Variants in THSD7B observed in about 807,000 individuals in gnomAD.
The protein encoded by THSD7B is thrombospondin type-1 domain-containing protein 7B.
Under a neutral mutation model 213.6 loss-of-function variants are expected in THSD7B, and 138 were observed. The observed-to-expected ratio is 0.65, with a 90% CI of 0.56 to 0.74. THSD7B has a LOEUF of 0.74. Among genes scored for constraint, THSD7B ranks in the 30% least tolerant of loss-of-function variants. THSD7B has a pLI of 0.00. For synonymous variants in THSD7B, 742 were observed against 687.0 expected, an observed-to-expected ratio of 1.08 and a Z score of -1.25; for missense variants, 1,931 against 1,991.5, an observed-to-expected ratio of 0.97 and a Z score of 0.58.
chr2:137,530,143 G>A (rs1012841786), intron 15 of THSD7B, among the ~76,000 whole-genome samples: 7 of 152,016 alleles, frequency 4.6e-5, no homozygotes, highest in Admixed American at 1.3e-4. Context: ...AGATGTGCGT[G>A]CCTCATTGAG....
At chr2:136,861,445 A>G (rs1260907352) in intron 1 of THSD7B, among the ~76,000 whole-genome samples, 1 of 152,218 alleles carries the variant, frequency 6.6e-6, no homozygotes, top group African/African-American at 2.4e-5. Flanking sequence ...CACAATAAAC[A>G]TGTAGTTAGG....
At chr2:137,058,763 A>G (rs1442211268) in intron 3 of THSD7B, among the ~76,000 whole-genome samples, 1 of 152,096 alleles carries the variant, frequency 6.6e-6, no homozygotes, top group South Asian at 2.1e-4. Flanking sequence ...GTTCTCATAG[A>G]TGGGATTAGT....
intron 14 of THSD7B, among the ~76,000 whole-genome samples, chr2:137,425,240 G>A (rs751548417): frequency 2.6e-5 from 4 of 151,382 alleles, no homozygotes; most frequent in South Asian, 2.1e-4. Flanking sequence ...TCTTTGAGAC[G>A]GAGTCTTGCT....
chr2:137,493,874 G>A (rs371424950), intron 15 of THSD7B, among the ~76,000 whole-genome samples: 15 of 152,090 alleles, frequency 9.9e-5, no homozygotes, highest in South Asian at 8.3e-4. Flanking sequence ...CCTTTGTGTC[G>A]TTTGGAAAGT....
At chr2:136,960,347 C>T (rs918803038) in intron 2 of THSD7B, among the ~76,000 whole-genome samples, 4 of 151,998 alleles carry the variant, frequency 2.6e-5, no homozygotes, top group Admixed American at 6.6e-5. Flanking sequence ...CCCTGTTGTC[C>T]AGGCTGGTCT....
chr2:137,457,151 A>G (rs17741048), intron 15 of THSD7B, among the ~76,000 whole-genome samples: 7,706 of 151,906 alleles, frequency 0.051, 257 homozygotes, highest in Non-Finnish European at 0.072. Context: ...GCAAAGTACT[A>G]CCCCCTCAGG....
chr2:137,135,467 G>A (rs1400618485), intron 5 of THSD7B, among the ~76,000 whole-genome samples: 1 of 152,172 alleles, frequency 6.6e-6, no homozygotes, highest in Non-Finnish European at 1.5e-5. Context: ...TCTTCTCTCA[G>A]ATCTGCATTG....
chr2:137,580,334 T>C (rs1681548231), intron 17 of THSD7B, among the ~76,000 whole-genome samples: 1 of 152,190 alleles, frequency 6.6e-6, no homozygotes, highest in African/African-American at 2.4e-5. Context: ...GTGTATCTAA[T>C]TGGTTAGTGC....
chr2:136,898,163 A>G (rs561597384), intron 2 of THSD7B, among the ~76,000 whole-genome samples: 2 of 152,316 alleles, frequency 1.3e-5, no homozygotes, highest in African/African-American at 4.8e-5. Context: ...CTCATTAACA[A>G]TATTGAGTCT....
chr2:136,978,138 G>A (rs1042304745), intron 2 of THSD7B, among the ~76,000 whole-genome samples: 4 of 152,042 alleles, frequency 2.6e-5, no homozygotes, highest in Admixed American at 6.6e-5. Flanking sequence ...ATTTAATTGC[G>A]CTGTGGTCTA....
chr2:136,965,487 A>G (rs965917475), intron 2 of THSD7B, among the ~76,000 whole-genome samples: 8 of 152,212 alleles, frequency 5.3e-5, no homozygotes, highest in African/African-American at 1.9e-4. Flanking sequence ...CCACAAGGAA[A>G]GTGTTCTGGG....
chr2:137,335,625 G>A (rs1225275540), intron 12 of THSD7B, among the ~76,000 whole-genome samples: 1 of 152,212 alleles, frequency 6.6e-6, no homozygotes, highest in African/African-American at 2.4e-5. Flanking sequence ...ATGCATTGCA[G>A]TAGTTAGACA....
rs376738362 is a variant in THSD7B at position 137,240,086 on chromosome 2, A to T, written c.2151-2371A>T. On this transcript the variant is annotated intron_variant, in intron 9 of 27. Coordinates refer to ENST00000409968, the MANE Select transcript of THSD7B (RefSeq NM_001316349.2). ...TTCACTTTGGGGGTTAGGTTTCAAC[A>T]TATAGATTTTGGGAGGGACACAAAC... is the stretch of plus-strand genomic sequence containing the variant. Among the ~76,000 whole-genome samples the T allele has an allele frequency of 3.9e-5, 6 of 152,332 alleles. No homozygotes were observed. In the South Asian group the frequency reaches 8.3e-4, roughly 21 times the overall value.
At position 137,589,270 on chromosome 2, in the gene THSD7B, TCTA is replaced by T. The variant is rs758113338; in HGVS notation, c.3423+16717_3423+16719del. 5.5e-4 allele frequency among the ~76,000 whole-genome samples: 84 copies of T among 152,332 alleles called. 1 individual carries two copies. The highest frequency in any genetic ancestry group is 9.7e-4 in the Non-Finnish European group (66 of 68,016). ...ATTTAAGTTTTTATTTAATCCATAT[TCTA>T]CTTAGAAAAAATTTTACCTAATTCT... is the stretch of plus-strand genomic sequence containing the variant. On this transcript the variant is annotated intron_variant, in intron 17 of 27. Coordinates refer to ENST00000409968, the MANE Select transcript of THSD7B (RefSeq NM_001316349.2).
intron 15 of THSD7B, among the ~76,000 whole-genome samples, chr2:137,463,152 G>A (rs1477785822): frequency 6.6e-6 from 1 of 152,048 alleles, no homozygotes; most frequent in East Asian, 1.9e-4. Context: ...AATCATGTTC[G>A]ATTGTCATGT....
At chr2:137,447,785 G>GA (rs1311561342) in intron 14 of THSD7B, among the ~76,000 whole-genome samples, 1 of 150,706 alleles carries the variant, frequency 6.6e-6, no homozygotes, top group Non-Finnish European at 1.5e-5. Context: ...TGGAGAGAGA[G>GA]AAAAAAAGAA....
At chr2:137,498,076 A>G (rs1030841248) in intron 15 of THSD7B, among the ~76,000 whole-genome samples, 18 of 152,210 alleles carry the variant, frequency 1.2e-4, no homozygotes, top group African/African-American at 4.1e-4. Context: ...TCCAAGGCAT[A>G]TGGAACTTTC....
intron 12 of THSD7B, among the ~76,000 whole-genome samples, chr2:137,377,651 G>A (rs2104959149): frequency 6.6e-6 from 1 of 151,026 alleles, no homozygotes; most frequent in East Asian, 1.9e-4. Flanking sequence ...TTTTGAGCTG[G>A]AGCCTCCTTC....
At chr2:137,293,496 T>C (rs187166586) in intron 12 of THSD7B, among the ~76,000 whole-genome samples, 246 of 150,560 alleles carry the variant, frequency 1.6e-3, no homozygotes, top group African/African-American at 5.8e-3. Flanking sequence ...TTTTTCCTTT[T>C]TCTCTCTCTC....
Sources: allele counts gnomAD v4.1 joint callset (sites outside exome capture counted in the v4.1 genomes callset), GRCh38; gene constraint gnomAD v4.1.1; transcripts MANE v1.5; gene names NCBI Gene and HGNC (gene_info 2026-07-23, HGNC 2026-07-21).